The following SBF2 variants were observed in gnomAD, a reference collection of about 807,000 sequenced individuals.
SBF2 encodes SET binding factor 2, also known as myotubularin-related protein 13.
In SBF2, 112 loss-of-function variants were observed where a neutral mutation model predicts 225.2. The ratio of observed to expected loss-of-function variants is 0.50; its 90% confidence interval spans 0.43 to 0.58. SBF2 has a LOEUF of 0.58. Ranked by LOEUF, SBF2 falls within the 20% of genes least tolerant of loss-of-function variation. SBF2 has a pLI of 0.00. For synonymous variants in SBF2, 763 were observed against 773.3 expected (o/e 0.99, Z 0.22); for missense variants, 1,996 against 2,206.2 (o/e 0.90, Z 1.91).
At chr11:10,039,624 A>G (rs537025574) in intron 3 of SBF2, among the ~76,000 whole-genome samples, 14 of 152,100 alleles carry the variant, frequency 9.2e-5, no homozygotes, top group South Asian at 2.1e-4. Flanking sequence ...TATCTAAGCT[A>G]AAAAGAGAAA....
At chr11:9,833,507 G>A (rs1321972945) in intron 26 of SBF2, among the ~76,000 whole-genome samples, 1 of 147,010 alleles carries the variant, frequency 6.8e-6, no homozygotes, top group Non-Finnish European at 1.5e-5. Flanking sequence ...TGCAAGCTCC[G>A]CCTCCCGGGT....
intron 32 of SBF2, among the ~76,000 whole-genome samples, chr11:9,806,511 G>A (rs543059305): frequency 1.3e-5 from 2 of 152,130 alleles, no homozygotes; most frequent in Non-Finnish European, 2.9e-5. Flanking sequence ...CAGAGACAAT[G>A]GTCTCCAAAC....
At chr11:9,897,125 T>C (rs1286881171) in intron 16 of SBF2, among the ~76,000 whole-genome samples, 1 of 152,174 alleles carries the variant, frequency 6.6e-6, no homozygotes, top group African/African-American at 2.4e-5. Flanking sequence ...AGGTGTCTGT[T>C]GACAGATAAG....
At chr11:9,863,629 T>C (rs186018431) in intron 17 of SBF2, among the ~76,000 whole-genome samples, 249 of 152,282 alleles carry the variant, frequency 1.6e-3, no homozygotes, top group Admixed American at 3.6e-3. Flanking sequence ...TCTGATGAAA[T>C]TGGGAGTCTT....
At chr11:9,961,739 TC>T (rs1866583205) in intron 16 of SBF2, 3 of 478,034 alleles carry the variant, frequency 6.3e-6, no homozygotes, top group Non-Finnish European at 1.1e-5. Context: ...AGTAAAATAA[TC>T]TAGCATTTTC....
upstream of SBF2, among the ~76,000 whole-genome samples, chr11:10,298,913 C>T (rs1382739703): frequency 3.9e-5 from 6 of 152,118 alleles, no homozygotes; most frequent in African/African-American, 4.8e-5. Flanking sequence ...TTCAAACTTT[C>T]TATATAGGTA....
intron 1 of SBF2, among the ~76,000 whole-genome samples, chr11:10,250,674 T>C (rs1960252869): frequency 6.6e-6 from 1 of 152,170 alleles, no homozygotes; most frequent in African/African-American, 2.4e-5. Context: ...ACAGTATATT[T>C]TCACCAGGTA....
At chr11:10,275,743 AATTC>A (rs1429862708) in intron 1 of SBF2, among the ~76,000 whole-genome samples, 1 of 152,198 alleles carries the variant, frequency 6.6e-6, no homozygotes, top group Non-Finnish European at 1.5e-5. Context: ...CTTGGGGAAC[AATTC>A]ATTGTTTCAA....
At chr11:10,283,595 G>T (rs971016346) in intron 1 of SBF2, among the ~76,000 whole-genome samples, 4 of 149,864 alleles carry the variant, frequency 2.7e-5, no homozygotes, top group African/African-American at 9.8e-5. Flanking sequence ...CAAGATACAT[G>T]AATTATAAAT....
intron 6 of SBF2, among the ~76,000 whole-genome samples, chr11:10,009,050 T>G (rs1407479561): frequency 1.3e-5 from 2 of 152,124 alleles, no homozygotes; most frequent in Non-Finnish European, 2.9e-5. Context: ...CCCATAGCCC[T>G]TTTGGGTAGA....
At chr11:9,826,751 A>ATGTG (rs1191716598) in intron 28 of SBF2, among the ~76,000 whole-genome samples, 3 of 146,060 alleles carry the variant, frequency 2.1e-5, no homozygotes, top group Non-Finnish European at 4.5e-5. Flanking sequence ...GTGTGTGTGT[A>ATGTG]TGTGTGTGTG....
At chr11:9,917,896 T>C (rs1258602094) in intron 16 of SBF2, among the ~76,000 whole-genome samples, 1 of 151,436 alleles carries the variant, frequency 6.6e-6, no homozygotes, top group African/African-American at 2.4e-5. Context: ...CCTCCGACAC[T>C]CACCCTTAAG....
chr11:10,124,170 G>C (rs1200852315), intron 2 of SBF2, among the ~76,000 whole-genome samples: 1 of 152,008 alleles, frequency 6.6e-6, no homozygotes. Flanking sequence ...GTATTTTTTT[G>C]GTTGTTGTTT....
chr11:10,001,868 C>G (rs1947977022), intron 7 of SBF2, among the ~76,000 whole-genome samples: 5 of 152,044 alleles, frequency 3.3e-5, no homozygotes, highest in Admixed American at 6.6e-5. Flanking sequence ...AAAATTTTAT[C>G]TAGTTTATAT....
chr11:9,996,419 G>GAGCTCTGTCACCCAGGCTGGAGTGC lies in SBF2; in HGVS notation c.975+1822_975+1846dup, dbSNP rs1413944736. On this transcript the variant is annotated intron_variant, in intron 9 of 39. Transcript: ENST00000256190. ...TTATTTTGTTTTTTGAGATGGAGTC[G>GAGCTCTGTCACCCAGGCTGGAGTGC]AGCTCTGTCACCCAGGCTGGAGTGC... Among the ~76,000 whole-genome samples, 3 of 151,600 alleles carry GAGCTCTGTCACCCAGGCTGGAGTGC rather than the reference G, an allele frequency of 2.0e-5. No homozygotes were observed. In the East Asian group the frequency reaches 5.8e-4, roughly 29 times the overall value.
At chr11:9,789,040 C>A (rs541492821) in intron 35 of SBF2, 69 bp downstream of exon 35, 3 of 1,318,746 alleles carry the variant, frequency 2.3e-6, no homozygotes, top group East Asian at 4.6e-5. Flanking sequence ...AGTTACTTAG[C>A]CTGGTTCCTT....
chr11:9,811,075 C>A (rs1477113340), intron 30 of SBF2: 2 of 152,176 alleles, frequency 1.3e-5, no homozygotes, highest in Non-Finnish European at 2.9e-5. Context: ...ACAGCTGAAG[C>A]AAACTAACAC....
rs10580039 is a variant in SBF2 at position 10,291,657 on chromosome 11, A to AACACAC, written c.55+2352_55+2357dup. Among the ~76,000 whole-genome samples, 87 of 146,078 alleles carry AACACAC rather than the reference A, an allele frequency of 6.0e-4. 1 individual carries two copies. The highest frequency in any genetic ancestry group is 1.8e-3 in the African/African-American group (69 of 38,928). On this transcript the variant is annotated intron_variant, in intron 1 of 39. Transcript: ENST00000256190. Reference sequence around the variant, plus strand: ...AATAGTAACAGAATATAATCCACTAAACACACACACACACACACACACACA... The same window carrying AACACAC: ...AATAGTAACAGAATATAATCCACTAAACACACACACACACACACACACACACACACA...
intron 2 of SBF2, among the ~76,000 whole-genome samples, chr11:10,118,303 A>G (rs1386112335): frequency 3.3e-5 from 5 of 152,170 alleles, no homozygotes; most frequent in African/African-American, 1.2e-4. Flanking sequence ...TTCTTTTTGC[A>G]TTCCAGATTA....
Sources: allele counts gnomAD v4.1 joint callset (sites outside exome capture counted in the v4.1 genomes callset), GRCh38; gene constraint gnomAD v4.1.1; transcripts MANE v1.5; gene names NCBI Gene and HGNC (gene_info 2026-07-23, HGNC 2026-07-21).